MYOF: variants seen among roughly 807,000 people sequenced by gnomAD.
The protein encoded by MYOF is fer-1-like 3, myoferlin.
A neutral mutation model predicts 284.2 loss-of-function variants in MYOF; 244 were observed. The ratio of observed to expected loss-of-function variants is 0.86; its 90% confidence interval spans 0.77 to 0.95. The LOEUF is 0.95. Ranked by LOEUF, MYOF falls within the 40% of genes least tolerant of loss-of-function variation. MYOF has a pLI of 0.00. For missense variants in MYOF, 2,496 were observed against 2,560.6 expected (o/e 0.97, Z 0.54); for synonymous variants, 904 against 919.7 (o/e 0.98, Z 0.31).
intron 1 of MYOF, among the ~76,000 whole-genome samples, chr10:93,463,527 G>A (rs1265927249): frequency 6.7e-6 from 1 of 150,154 alleles, no homozygotes; most frequent in Admixed American, 6.7e-5. Flanking sequence ...AGCCTGCCGA[G>A]TAGCTGAGAT....
chr10:93,396,018 G>A, intron 16 of MYOF, 124 bp downstream of exon 16: 2 of 620,826 alleles, frequency 3.2e-6, no homozygotes, highest in South Asian at 5.3e-5. Context: ...GGTTCACTAG[G>A]TTCATCACAT....
chr10:93,376,876 G>T (rs759358750), intron 22 of MYOF, among the ~76,000 whole-genome samples: 1 of 152,102 alleles, frequency 6.6e-6, no homozygotes, highest in Non-Finnish European at 1.5e-5. Context: ...CAAGTAAAAG[G>T]GCTGTTTCTA....
chr10:93,439,860 G>T (rs910675502), intron 3 of MYOF, among the ~76,000 whole-genome samples: 1 of 152,178 alleles, frequency 6.6e-6, no homozygotes, highest in South Asian at 2.1e-4. Flanking sequence ...GGGCATGAAT[G>T]AATAGATAAG....
intron 1 of MYOF, among the ~76,000 whole-genome samples, chr10:93,464,031 G>A (rs183819272): frequency 7.1e-4 from 108 of 152,262 alleles, no homozygotes; most frequent in Middle Eastern, 6.8e-3. Flanking sequence ...TGTTGCTGTC[G>A]AGGTATTTTG....
chr10:93,425,955 G>A (rs1328268651), intron 5 of MYOF, 116 bp downstream of exon 5: 1 of 1,058,082 alleles, frequency 9.5e-7, no homozygotes, highest in African/African-American at 1.6e-5. Flanking sequence ...CCCCTGTCTG[G>A]GTGGGCAGGG....
At chr10:93,427,530 CAAAAAAAAA>C (rs11293315) in intron 4 of MYOF, among the ~76,000 whole-genome samples, 2 of 81,856 alleles carry the variant, frequency 2.4e-5, no homozygotes, top group Non-Finnish European at 4.6e-5. Context: ...GACTCCGTCT[CAAAAAAAAA>C]AAAAAAAAAA....
chr10:93,442,797 A>T (rs1268300660), intron 3 of MYOF, among the ~76,000 whole-genome samples: 1 of 152,156 alleles, frequency 6.6e-6, no homozygotes, highest in Admixed American at 6.5e-5. Flanking sequence ...TAATTTTTTT[A>T]AATTATCTTC....
At chr10:93,375,535 A>G (rs1327307704) in intron 22 of MYOF, among the ~76,000 whole-genome samples, 1 of 152,252 alleles carries the variant, frequency 6.6e-6, no homozygotes, top group East Asian at 1.9e-4. Context: ...TCGTGGCTCC[A>G]TTCTTTACTA....
intron 5 of MYOF, among the ~76,000 whole-genome samples, chr10:93,414,264 T>C (rs813709): frequency 0.88 from 134,422 of 152,042 alleles, 60,411 homozygotes; most frequent in Non-Finnish European, 0.96. Flanking sequence ...GGGCCAGGTT[T>C]GGCGGCTCAC....
chr10:93,351,866 T>A lies in MYOF; in HGVS notation c.3482-20A>T. The A allele has an allele frequency of 6.4e-7, 1 of 1,570,674 alleles. No homozygotes were observed. On this transcript the variant is annotated intron_variant, in intron 32 of 53. Coordinates refer to ENST00000359263, the MANE Select transcript of MYOF (RefSeq NM_013451.4). ...ATGGATCTAAAACAGAAAAAGAGAA[T>A]AACAACGGGGCCACGGCTAAAATCT... is the stretch of plus-strand genomic sequence containing the variant.
At chr10:93,471,746 G>A (rs1201745164) in intron 1 of MYOF, among the ~76,000 whole-genome samples, 5 of 152,084 alleles carry the variant, frequency 3.3e-5, no homozygotes, top group Non-Finnish European at 5.9e-5. Context: ...AAAATTAGCC[G>A]GGCATTGTGG....
At chr10:93,370,356 T>C in intron 24 of MYOF, among the ~76,000 whole-genome samples, 1 of 146,104 alleles carries the variant, frequency 6.8e-6, no homozygotes, top group Non-Finnish European at 1.5e-5. Flanking sequence ...CTCACTCTGT[T>C]GCTGGAGTGC....
At chr10:93,354,983 C>G (rs1844731064) in intron 31 of MYOF, among the ~76,000 whole-genome samples, 1 of 152,136 alleles carries the variant, frequency 6.6e-6, no homozygotes, top group Non-Finnish European at 1.5e-5. Context: ...TGTCTCATTC[C>G]AAAAATCCTG....
At chr10:93,314,458 C>A (rs1842525366) in intron 50 of MYOF, among the ~76,000 whole-genome samples, 1 of 152,162 alleles carries the variant, frequency 6.6e-6, no homozygotes, top group South Asian at 2.1e-4. Context: ...CTCCTGTGAG[C>A]CCTTTCCTTA....
chr10:93,322,476 A>G (rs1842885143), intron 48 of MYOF, among the ~76,000 whole-genome samples: 3 of 152,204 alleles, frequency 2.0e-5, no homozygotes, highest in Non-Finnish European at 4.4e-5. Context: ...ACTGCACGCA[A>G]CATCTATGAT....
chr10:93,310,660 C>T lies in MYOF; in HGVS notation c.5890-17G>A, dbSNP rs1452306223. The T allele has an allele frequency of 2.5e-6, 4 of 1,607,664 alleles. No individual in the cohort carries two copies. The highest frequency in any genetic ancestry group is 3.4e-6 in the Non-Finnish European group (4 of 1,174,618). On this transcript the variant is annotated splice_polypyrimidine_tract_variant and intron_variant, in intron 51 of 53. Coordinates refer to ENST00000359263, the MANE Select transcript of MYOF (RefSeq NM_013451.4). ...CACTTTCCCCTTCAGTAAAGCAGAG[C>T]AGGTTAAACATATGACATCATGTTT... is the stretch of plus-strand genomic sequence containing the variant.
rs952323798 is a variant in MYOF at position 93,351,913 on chromosome 10, G to A, written c.3482-67C>T. On this transcript the variant is annotated intron_variant, in intron 32 of 53. Transcript: ENST00000359263. ...ATCTAACTCCCCAGAACCACTCAGT[G>A]CAACCATATTCTTTTCCTCTGGATA... The A allele has an allele frequency of 4.4e-6, 6 of 1,378,652 alleles. No homozygotes were observed. The African/African-American group carries it at 7.3e-5, about 17-fold the overall frequency. The allele number at this position is 1,378,652 out of a possible 1,614,324, so 85.4% of individuals were successfully genotyped here.
chr10:93,406,019 C>A (rs1211699083), intron 7 of MYOF, among the ~76,000 whole-genome samples: 6 of 149,318 alleles, frequency 4.0e-5, no homozygotes, highest in African/African-American at 1.5e-4. Context: ...GTGCAGTGGC[C>A]CAATCTTGGC....
intron 1 of MYOF, among the ~76,000 whole-genome samples, chr10:93,461,437 G>A (rs780221246): frequency 2.8e-4 from 43 of 152,198 alleles, no homozygotes; most frequent in Non-Finnish European, 6.0e-4. Flanking sequence ...ATAGAGAAAG[G>A]ACTTCAGTTG....
Sources: allele counts gnomAD v4.1 joint callset (sites outside exome capture counted in the v4.1 genomes callset), GRCh38; gene constraint gnomAD v4.1.1; transcripts MANE v1.5; gene names NCBI Gene and HGNC (gene_info 2026-07-23, HGNC 2026-07-21).